CREB5: variants seen among roughly 807,000 people sequenced by gnomAD.
The protein encoded by CREB5 is cAMP responsive element binding protein 5.
A neutral mutation model predicts 57.1 loss-of-function variants in CREB5; 19 were observed. That is an observed-to-expected ratio of 0.33 (90% CI 0.23 to 0.49). The LOEUF is 0.49. Ranked by LOEUF, CREB5 falls within the 20% of genes least tolerant of loss-of-function variation. CREB5 has a pLI of 0.99. For missense variants in CREB5, 579 were observed against 671.6 expected (o/e 0.86, Z 1.52); for synonymous variants, 238 against 238.3 (o/e 1.00, Z 0.01).
intron 5 of CREB5, among the ~76,000 whole-genome samples, chr7:28,666,292 C>T (rs1583506441): frequency 6.6e-6 from 1 of 152,102 alleles, no homozygotes; most frequent in East Asian, 1.9e-4. Flanking sequence ...CTCAATATCC[C>T]CAATGAGTAA....
chr7:28,479,579 A>G (rs35894653), intron 1 of CREB5, among the ~76,000 whole-genome samples: 30,941 of 152,090 alleles, frequency 0.2, 3,428 homozygotes, highest in African/African-American at 0.29. Context: ...TTGAAGCAGA[A>G]TGTGTGAGGA....
chr7:28,679,623 C>T (rs901479805), intron 5 of CREB5, among the ~76,000 whole-genome samples: 8 of 152,278 alleles, frequency 5.3e-5, no homozygotes, highest in South Asian at 4.1e-4. Flanking sequence ...AACCCTCATC[C>T]CTTGGAAAAT....
At chr7:28,642,951 TACACACACAC>T (rs751628412) in intron 5 of CREB5, among the ~76,000 whole-genome samples, 102 of 89,706 alleles carry the variant, frequency 1.1e-3, no homozygotes, top group South Asian at 2.8e-3. Flanking sequence ...AGGGTAGATT[TACACACACAC>T]ACACACACAC....
intron 1 of CREB5, among the ~76,000 whole-genome samples, chr7:28,481,847 A>G (rs1382619068): frequency 2.0e-5 from 3 of 152,130 alleles, no homozygotes; most frequent in African/African-American, 7.2e-5. Context: ...ATAGACATGC[A>G]AAGAGACAGA....
At chr7:28,341,824 G>A (rs1185881764) in intron 1 of CREB5, among the ~76,000 whole-genome samples, 1 of 152,174 alleles carries the variant, frequency 6.6e-6, no homozygotes, top group Non-Finnish European at 1.5e-5. Flanking sequence ...AAATTTACAA[G>A]GGATTGATCC....
intron 5 of CREB5, among the ~76,000 whole-genome samples, chr7:28,689,292 C>T (rs774223010): frequency 6.6e-6 from 1 of 151,966 alleles, no homozygotes; most frequent in African/African-American, 2.4e-5. Context: ...AATGGTGAAA[C>T]CCCGTCTCTA....
At chr7:28,721,573 G>T (rs1343787865) in intron 6 of CREB5, among the ~76,000 whole-genome samples, 1 of 152,128 alleles carries the variant, frequency 6.6e-6, no homozygotes, top group Non-Finnish European at 1.5e-5. Flanking sequence ...GTGAGGACAG[G>T]ATTCTTCACT....
At chr7:28,731,187 A>G (rs1170039772) in intron 7 of CREB5, among the ~76,000 whole-genome samples, 1 of 152,232 alleles carries the variant, frequency 6.6e-6, no homozygotes, top group Non-Finnish European at 1.5e-5. Context: ...GGCTAGAAGT[A>G]TGACGTTTTA....
At chr7:28,624,189 T>G (rs1797908881) in intron 5 of CREB5, among the ~76,000 whole-genome samples, 2 of 152,200 alleles carry the variant, frequency 1.3e-5, no homozygotes, top group Admixed American at 1.3e-4. Context: ...AATAAGGAAA[T>G]CCTTTAGACT....
chr7:28,825,661 G>A lies in CREB5; in HGVS notation c.*6382G>A, dbSNP rs1238890728. On this transcript the variant is annotated 3_prime_UTR_variant, in exon 11 of 11. Transcript: ENST00000357727. ...CCTTATTGGAAGGAGAAAAAAAGGG[G>A]TACATACATGTAAATACTTGCTGCA... 2 of 152,472 alleles carry A rather than the reference G, an allele frequency of 1.3e-5. No homozygotes were observed. Among genetic ancestry groups the A allele is most frequent in the East Asian group, 1.9e-4 (1 of 5,188 alleles). The allele number at this position is 152,472 out of a possible 1,614,324, so 9.4% of individuals were successfully genotyped here. A position where few individuals can be genotyped will look rare whatever the true frequency, so the allele number is the denominator to read the frequency against.
intron 7 of CREB5, among the ~76,000 whole-genome samples, chr7:28,769,645 T>C (rs1199296756): frequency 6.6e-6 from 1 of 152,246 alleles, no homozygotes; most frequent in African/African-American, 2.4e-5. Context: ...TGGAGTTAAC[T>C]CCTTATTAAA....
Position 28,818,060 on chromosome 7 carries a change from A to ATC in CREB5, c.1255-7_1255-6dup, listed in dbSNP as rs1358511183. On this transcript the variant is annotated splice_polypyrimidine_tract_variant and intron_variant, in intron 9 of 10. Transcript: ENST00000357727. ...TCTTCTCAACATGGTTTTAATACAT[A>ATC]TCTCTTTTAGAATGAAGTGTCTATG... The ATC allele has an allele frequency of 6.2e-7, 1 of 1,607,294 alleles. No homozygotes were observed. Among genetic ancestry groups the ATC allele is most frequent in the African/African-American group, 1.3e-5 (1 of 74,696 alleles).
At chr7:28,795,043 G>T (rs1028728201) in intron 7 of CREB5, among the ~76,000 whole-genome samples, 1 of 152,132 alleles carries the variant, frequency 6.6e-6, no homozygotes, top group Non-Finnish European at 1.5e-5. Context: ...GACTTGTATG[G>T]CTCACATCAT....
intron 5 of CREB5, among the ~76,000 whole-genome samples, chr7:28,676,065 T>C (rs889647513): frequency 6.6e-6 from 1 of 152,124 alleles, no homozygotes; most frequent in Non-Finnish European, 1.5e-5. Flanking sequence ...ACAAAGCTCC[T>C]CTGAGTAAGG....
intron 5 of CREB5, among the ~76,000 whole-genome samples, chr7:28,572,944 A>G (rs562380640): frequency 6.6e-6 from 1 of 152,258 alleles, no homozygotes; most frequent in East Asian, 1.9e-4. Flanking sequence ...ACTCTGTCTC[A>G]TTGCCAAGCC....
chr7:28,348,837 C>T (rs1260052948), intron 1 of CREB5, among the ~76,000 whole-genome samples: 1 of 152,214 alleles, frequency 6.6e-6, no homozygotes, highest in African/African-American at 2.4e-5. Context: ...CACATGGCGG[C>T]TGTGTGTGCC....
intron 5 of CREB5, among the ~76,000 whole-genome samples, chr7:28,672,264 T>C (rs1006429897): frequency 2.0e-5 from 3 of 152,010 alleles, no homozygotes; most frequent in Non-Finnish European, 4.4e-5. Context: ...AATAAATCTG[T>C]GTTCTTGACC....
At chr7:28,346,103 G>A (rs1037542354) in intron 1 of CREB5, among the ~76,000 whole-genome samples, 1 of 152,184 alleles carries the variant, frequency 6.6e-6, no homozygotes, top group Non-Finnish European at 1.5e-5. Context: ...GCATATTTGG[G>A]AATGCTCTTG....
chr7:28,704,331 T>A (rs958541166), intron 5 of CREB5, among the ~76,000 whole-genome samples: 1 of 152,198 alleles, frequency 6.6e-6, no homozygotes, highest in Non-Finnish European at 1.5e-5. Flanking sequence ...CACTCAGAGA[T>A]CATTTGAGCC....
Sources: allele counts gnomAD v4.1 joint callset (sites outside exome capture counted in the v4.1 genomes callset), GRCh38; gene constraint gnomAD v4.1.1; transcripts MANE v1.5; gene names NCBI Gene and HGNC (gene_info 2026-07-23, HGNC 2026-07-21).